The following RAD1 variants were observed in gnomAD, a reference collection of about 807,000 sequenced individuals.
RAD1 encodes cell cycle checkpoint protein RAD1.
RAD1 carries 21 observed loss-of-function variants against 30.0 expected under a neutral mutation model. That is an observed-to-expected ratio of 0.70 (90% CI 0.50 to 1.01). The LOEUF (loss-of-function observed/expected upper bound fraction) is 1.01, where lower values mean the gene tolerates loss of function less well. RAD1 is among the 50% of genes least tolerant of loss of function. The pLI is 0.00. For missense variants in RAD1, 329 were observed against 329.0 expected (o/e 1.00, Z 0.00); for synonymous variants, 109 against 113.6 (o/e 0.96, Z 0.26).
chr5:34,908,993 A>G (rs756292061), intron 5 of RAD1, 45 bp from the exon 6 acceptor site: 1 of 1,447,236 alleles, frequency 6.9e-7, no homozygotes, highest in Non-Finnish European at 9.5e-7. Context: ...CACAGTGAAC[A>G]CTGCTCAGAA....
intron 3 of RAD1, 55 bp downstream of exon 3, chr5:34,913,414 AT>A (rs41271687): frequency 0.012 from 12,709 of 1,031,978 alleles, 98 homozygotes; most frequent in African/African-American, 0.038. Flanking sequence ...AACTTCCTGT[AT>A]TTTTCTGACC....
chr5:34,908,829 C>T lies in RAD1; in HGVS notation c.785G>A (p.Gly262Glu). 4 of 1,613,050 alleles carry T rather than the reference C, an allele frequency of 2.5e-6. No homozygotes were observed. The highest frequency in any genetic ancestry group is 3.4e-6 in the Non-Finnish European group (4 of 1,179,640). The change falls in exon 6 of 6, where the codon GGA (glycine) becomes GAA (glutamate). Residue 262 changes from glycine (G) to glutamate (E), a missense_variant. Transcript: ENST00000382038. ...GTAATATTCCACAAAACATATTTGT[C>T]CATCTTCATTTCTAATCATATACTG... Reference protein sequence around the residue: ...SLQYMIRNEDGQICFVEYYCC... With the variant: ...SLQYMIRNEDEQICFVEYYCC...
rs1763860305 is a variant in RAD1, at chr5:34,911,917, AT to A, written c.308-106del. On this transcript the variant is annotated intron_variant, in intron 3 of 5. Coordinates refer to ENST00000382038, the MANE Select transcript of RAD1 (RefSeq NM_002853.4). ...TCTCAAGAATAATTTATTCCGCCCA[AT>A]TTCTCACATATATGTATCTCCTCAT... The A allele has an allele frequency of 3.5e-5, 46 of 1,298,522 alleles. No individual in the cohort carries two copies. In the South Asian group the frequency reaches 6.5e-4, roughly 18 times the overall value. 80.4% of individuals were successfully genotyped at this position (1,298,522 alleles called of 1,614,324 possible).
rs1263156614 is a variant in RAD1, at chr5:34,907,410, T to C, written c.*1355A>G. The C allele has an allele frequency of 6.6e-6, 1 of 152,206 alleles. No individual in the cohort carries two copies. Among genetic ancestry groups the C allele is most frequent in the Non-Finnish European group, 1.5e-5 (1 of 68,032 alleles). 9.4% of individuals were successfully genotyped at this position (152,206 alleles called of 1,614,324 possible). A position where few individuals can be genotyped will look rare whatever the true frequency, so the allele number is the denominator to read the frequency against. Reference sequence around the variant, plus strand: ...AGAACTGTCTCACTCAAAAGGCCAATAGTGACTGTCCATGGAGGGACACTC... The same window carrying C: ...AGAACTGTCTCACTCAAAAGGCCAACAGTGACTGTCCATGGAGGGACACTC... On this transcript the variant is annotated 3_prime_UTR_variant, in exon 6 of 6. Transcript: ENST00000382038.
intron 4 of RAD1, 80 bp from the exon 5 acceptor site, chr5:34,909,436 T>A: frequency 1.0e-6 from 1 of 968,516 alleles, no homozygotes; most frequent in Non-Finnish European, 1.6e-6. Flanking sequence ...AACACTTCCT[T>A]AAGAAATTCA....
rs1022592017 is a variant in RAD1, at chr5:34,906,069, C to T, written c.*2696G>A. Reference sequence around the variant, plus strand: ...TTCCAGTTTCAAGTGATTCTCTTGCCTCAGCCTCTCAAGTAGCTGGGATTA... The same window carrying T: ...TTCCAGTTTCAAGTGATTCTCTTGCTTCAGCCTCTCAAGTAGCTGGGATTA... On this transcript the variant is annotated 3_prime_UTR_variant, in exon 6 of 6. Transcript: ENST00000382038. 1 of 152,094 alleles carries T rather than the reference C, an allele frequency of 6.6e-6. No individual in the cohort carries two copies. Among genetic ancestry groups the T allele is most frequent in the Non-Finnish European group, 1.5e-5 (1 of 68,072 alleles). 9.4% of individuals were successfully genotyped at this position (152,094 alleles called of 1,614,324 possible). A position where few individuals can be genotyped will look rare whatever the true frequency, so the allele number is the denominator to read the frequency against.
In RAD1 at chr5:34,905,951, T is replaced by A. The variant is rs1020335620; in HGVS notation, c.*2814A>T. The A allele has an allele frequency of 1.3e-5, 2 of 150,612 alleles. No individual in the cohort carries two copies. Among genetic ancestry groups the A allele is most frequent in the Non-Finnish European group, 3.0e-5 (2 of 66,952 alleles). 9.3% of individuals were successfully genotyped at this position (150,612 alleles called of 1,614,324 possible). A position where few individuals can be genotyped will look rare whatever the true frequency, so the allele number is the denominator to read the frequency against. On this transcript the variant is annotated 3_prime_UTR_variant, in exon 6 of 6. Coordinates refer to ENST00000382038, the MANE Select transcript of RAD1 (RefSeq NM_002853.4). ...GACATGCAGCTAAAACAATAATTTT[T>A]ATTTTAATTTTTTTTGTTTTTGAGA...
At position 34,911,402 on chromosome 5, in the gene RAD1, A is replaced by T. The variant is rs563129658; in HGVS notation, c.566+152T>A. On this transcript the variant is annotated intron_variant, in intron 4 of 5. Coordinates refer to ENST00000382038, the MANE Select transcript of RAD1 (RefSeq NM_002853.4). ...ATCTTCCTGGGTCTTAAGTTTCTTG[A>T]TCCATAAAATTATGAGGTAAGAGTA... 3 of 936,816 alleles carry T rather than the reference A, an allele frequency of 3.2e-6. No individual in the cohort carries two copies. The Admixed American group carries it at 8.1e-5, about 25-fold the overall frequency. The allele number at this position is 936,816 out of a possible 1,614,324, so 58.0% of individuals were successfully genotyped here. A position where few individuals can be genotyped will look rare whatever the true frequency, so the allele number is the denominator to read the frequency against.
rs1208902575 is a variant in RAD1 at position 34,914,946 on chromosome 5, G to A, written c.-54C>T. 6.3e-6 allele frequency: 10 copies of A among 1,595,560 alleles called. No individual in the cohort carries two copies. The highest frequency in any genetic ancestry group is 1.3e-5 in the African/African-American group (1 of 74,490). ...TGCTCCTGGGGCCAACAACTTCTCG[G>A]CGGATCGCCAAACACCTGAAGGGAT... On this transcript the variant is annotated 5_prime_UTR_variant, in exon 2 of 6. Transcript: ENST00000382038.
intron 4 of RAD1, 145 bp from the exon 5 acceptor site, chr5:34,909,501 T>C: frequency 3.7e-6 from 2 of 534,508 alleles, no homozygotes; most frequent in East Asian, 2.9e-5. Context: ...CGATAACAAG[T>C]ACCATAATAA....
Position 34,909,338 on chromosome 5 carries a change from A to T in RAD1, c.585T>A (p.Asn195Lys). The change falls in exon 5 of 6, where the codon AAT becomes AAA. Residue 195 changes from asparagine to lysine, a missense_variant. Coordinates refer to ENST00000382038, the MANE Select transcript of RAD1 (RefSeq NM_002853.4). ...KPYFRLSTFG[N>K]AGSSHLDYPK... The stretch of plus-strand genomic sequence containing the variant: ...GATAGTCAAGGTGGGAACTTCCTGC[A>T]TTTCCAAAAGTAGATAACCTATAGA... 2.5e-6 allele frequency: 4 copies of T among 1,607,174 alleles called. No individual in the cohort carries two copies. The highest frequency in any genetic ancestry group is 3.4e-6 in the Non-Finnish European group (4 of 1,174,070).
chr5:34,910,721 C>T (rs1763807841), intron 4 of RAD1, among the ~76,000 whole-genome samples: 1 of 152,190 alleles, frequency 6.6e-6, no homozygotes, highest in Admixed American at 6.5e-5. Flanking sequence ...TGCCACAGCA[C>T]TTTTACAGCC....
chr5:34,908,845 T>G lies in RAD1; in HGVS notation c.769A>C (p.Ile257Leu). ...NRGFLSLQYM[I>L]RNEDGQICFV... is the part of the protein sequence containing the mutation. ...CATATTTGTCCATCTTCATTTCTAA[T>G]CATATACTGTAATGAAAGGAAGCCT... Residue 257 changes from isoleucine (I) to leucine (L), a missense_variant, in exon 6 of 6, where the codon ATT becomes CTT. By Grantham distance (5) the Ile-to-Leu change is conservative. Coordinates refer to ENST00000382038, the MANE Select transcript of RAD1 (RefSeq NM_002853.4). 1.2e-6 allele frequency: 2 copies of G among 1,612,592 alleles called. No individual in the cohort carries two copies. Among genetic ancestry groups the G allele is most frequent in the Non-Finnish European group, 8.5e-7 (1 of 1,178,872 alleles).
Position 34,905,864 on chromosome 5 carries a change from G to C in RAD1, c.*2901C>G, listed in dbSNP as rs1763634086. The C allele has an allele frequency of 6.6e-6, 1 of 152,124 alleles. No individual in the cohort carries two copies. The highest frequency in any genetic ancestry group is 2.4e-5 in the African/African-American group (1 of 41,432). 9.4% of individuals were successfully genotyped at this position (152,124 alleles called of 1,614,324 possible). A position where few individuals can be genotyped will look rare whatever the true frequency, so the allele number is the denominator to read the frequency against. On this transcript the variant is annotated 3_prime_UTR_variant, in exon 6 of 6. Coordinates refer to ENST00000382038, the MANE Select transcript of RAD1 (RefSeq NM_002853.4). ...AAGGAGGAAATTCTTTATAAAATAA[G>C]TACCTTGATGTTAGGGTGACTTAGA...
intron 3 of RAD1, 52 bp from the exon 4 acceptor site, chr5:34,911,864 G>A (rs375960008): frequency 1.4e-4 from 218 of 1,568,530 alleles, no homozygotes; most frequent in Middle Eastern, 3.4e-4. Flanking sequence ...TCTGGGTTCA[G>A]CTTCTCCTCG....
intron 3 of RAD1, among the ~76,000 whole-genome samples, chr5:34,913,030 T>C (rs970903884): frequency 6.6e-6 from 1 of 152,064 alleles, no homozygotes; most frequent in African/African-American, 2.4e-5. Flanking sequence ...TTTGGCAAAA[T>C]AGACATAACT....
At chr5:34,912,039 T>C (rs1763863462) in intron 3 of RAD1, among the ~76,000 whole-genome samples, 1 of 152,234 alleles carries the variant, frequency 6.6e-6, no homozygotes. Context: ...ACATAATTCT[T>C]TGGAATCATT....
At chr5:34,914,645 T>C in intron 2 of RAD1, 50 bp downstream of exon 2, 1 of 1,574,810 alleles carries the variant, frequency 6.3e-7, no homozygotes, top group East Asian at 2.2e-5. Context: ...TTTCATTAAA[T>C]TACATTTAGA....
intron 2 of RAD1, 187 bp downstream of exon 2, chr5:34,914,508 A>G (rs1763975281): frequency 1.6e-6 from 1 of 630,784 alleles, no homozygotes; most frequent in Non-Finnish European, 2.7e-6. Flanking sequence ...CCGGGAGAGA[A>G]AAAAAATTCA....
Sources: gnomAD v4.1 joint callset for allele counts (sites outside exome capture counted in the v4.1 genomes callset) on GRCh38, gnomAD v4.1.1 for gene constraint, MANE v1.5 for transcripts, NCBI Gene and HGNC (gene_info 2026-07-23, HGNC 2026-07-21) for gene names.